COX10: variants seen among roughly 807,000 people sequenced by gnomAD.
COX10 encodes protoheme IX farnesyltransferase, mitochondrial.
Under a neutral mutation model 37.3 loss-of-function variants are expected in COX10, and 27 were observed. The ratio of observed to expected loss-of-function variants is 0.72; its 90% CI spans 0.53 to 1.00. The LOEUF is 1.00. COX10 is among the 50% of genes least tolerant of loss of function. The pLI, the probability that COX10 is intolerant of heterozygous loss-of-function variation, is 0.00. For synonymous variants in COX10, 222 were observed against 229.1 expected, an observed-to-expected ratio of 0.97 and a Z score of 0.28; for missense variants, 475 against 563.2, an observed-to-expected ratio of 0.84 and a Z score of 1.59.
chr17:14,173,500 C>T (rs1227194367), intron 5 of COX10, among the ~76,000 whole-genome samples: 2 of 152,090 alleles, frequency 1.3e-5, no homozygotes, highest in Non-Finnish European at 2.9e-5. Flanking sequence ...ACATGGTGAG[C>T]AAAGATGCAA....
rs751306559 is a variant in COX10 at position 14,069,599 on chromosome 17, G to C, written c.-7G>C. Reference sequence around the variant, plus strand: ...GATCCCGGGGAGCGGCCCCAGACTCGTAAATTATGGCCGCATCTCCGCACA... The same window carrying C: ...GATCCCGGGGAGCGGCCCCAGACTCCTAAATTATGGCCGCATCTCCGCACA... On this transcript the variant is annotated 5_prime_UTR_variant, in exon 1 of 7. Transcript: ENST00000261643. The C allele has an allele frequency of 1.9e-6, 3 of 1,613,912 alleles. No homozygotes were observed. In the African/African-American group the frequency reaches 4.0e-5, roughly 22 times the overall value.
At chr17:14,113,283 C>T (rs1465268940) in intron 4 of COX10, among the ~76,000 whole-genome samples, 1 of 152,052 alleles carries the variant, frequency 6.6e-6, no homozygotes. Flanking sequence ...TTCAACCTCC[C>T]TTCTGTCCTC....
intron 5 of COX10, among the ~76,000 whole-genome samples, chr17:14,186,178 G>C (rs1906019898): frequency 1.3e-5 from 2 of 152,084 alleles, no homozygotes; most frequent in South Asian, 4.1e-4. Flanking sequence ...ATGGCAGGCA[G>C]AGTAGTCCTT....
intron 5 of COX10, among the ~76,000 whole-genome samples, chr17:14,165,501 G>A (rs1905262472): frequency 6.6e-6 from 1 of 152,192 alleles, no homozygotes; most frequent in African/African-American, 2.4e-5. Flanking sequence ...GGTTGTGTGT[G>A]TTTTGACTGC....
At chr17:14,118,243 C>T (rs1916156432) in intron 4 of COX10, among the ~76,000 whole-genome samples, 1 of 152,072 alleles carries the variant, frequency 6.6e-6, no homozygotes, top group African/African-American at 2.4e-5. Context: ...TCCATGGACA[C>T]AGGCCTGAGG....
intron 6 of COX10, 111 bp downstream of exon 6, chr17:14,192,332 T>C: frequency 6.2e-7 from 1 of 1,613,768 alleles, no homozygotes. Flanking sequence ...ATTAATTCTT[T>C]TAGCAAATGT....
rs145582518 is a variant in COX10 at position 14,123,359 on chromosome 17, G to A, written c.624+21117G>A. On this transcript the variant is annotated intron_variant, in intron 4 of 6. Transcript: ENST00000261643. ...TCATAGTGAATCTGAAGTCCAAAAT[G>A]CTAAATCTCTTCTCAGCAGCATTAA... is the stretch of plus-strand genomic sequence containing the variant. Among the ~76,000 whole-genome samples the A allele has an allele frequency of 2.1e-4, 32 of 152,236 alleles. No homozygotes were observed. The East Asian group carries it at 5.4e-3, about 26-fold the overall frequency.
chr17:14,207,041 C>T lies in COX10; in HGVS notation c.1160C>T (p.Pro387Leu). ...TTWTFPIMAL[P>L]INAYISYLGF... ...TGGACCTTCCCCATCATGGCCCTTC[C>T]CATCAATGCGTACATCTCCTACCTC... Residue 387 changes from proline to leucine, a missense_variant, in exon 7 of 7, where the codon CCC becomes CTC. This residue lies in a region of COX10 where 160 missense variants were observed against 180.6 expected (regional missense o/e 0.89). Coordinates refer to ENST00000261643, the MANE Select transcript of COX10 (RefSeq NM_001303.4). 1 of 1,614,096 alleles carries T rather than the reference C, an allele frequency of 6.2e-7. No homozygotes were observed.
At chr17:14,150,377 G>C (rs1221700873) in intron 4 of COX10, among the ~76,000 whole-genome samples, 1 of 152,166 alleles carries the variant, frequency 6.6e-6, no homozygotes, top group Admixed American at 6.5e-5. Context: ...ATTTAACCTA[G>C]TCAGAAAATA....
At chr17:14,161,063 G>C (rs1170516345) in intron 5 of COX10, among the ~76,000 whole-genome samples, 2 of 152,236 alleles carry the variant, frequency 1.3e-5, no homozygotes, top group East Asian at 3.9e-4. Flanking sequence ...TTAGAACCAG[G>C]GAATTGTAGG....
intron 4 of COX10, among the ~76,000 whole-genome samples, chr17:14,112,855 A>T (rs1167891845): frequency 6.6e-6 from 1 of 152,182 alleles, no homozygotes; most frequent in Non-Finnish European, 1.5e-5. Context: ...TAGCAGAAGC[A>T]CAAGTTTGGG....
intron 4 of COX10, among the ~76,000 whole-genome samples, chr17:14,151,218 A>G (rs1904882923): frequency 6.6e-6 from 1 of 152,206 alleles, no homozygotes; most frequent in African/African-American, 2.4e-5. Flanking sequence ...AACTGAAAGC[A>G]TTATAGTAAA....
intron 5 of COX10, among the ~76,000 whole-genome samples, chr17:14,169,416 C>T (rs1406166208): frequency 1.3e-5 from 2 of 152,156 alleles, no homozygotes; most frequent in East Asian, 3.9e-4. Context: ...TTTTCCAAGC[C>T]CTGCCCATTA....
chr17:14,136,608 CT>C (rs1397066277), intron 4 of COX10, among the ~76,000 whole-genome samples: 1 of 151,838 alleles, frequency 6.6e-6, no homozygotes, highest in African/African-American at 2.4e-5. Flanking sequence ...CATTTCAAAA[CT>C]TTTAGTGAAT....
intron 4 of COX10, among the ~76,000 whole-genome samples, chr17:14,117,080 C>T (rs1329103799): frequency 1.3e-5 from 2 of 152,042 alleles, no homozygotes; most frequent in African/African-American, 4.8e-5. Flanking sequence ...TTTGTATTTC[C>T]CTTTTTGTTA....
chr17:14,151,025 A>T (rs1040636243), intron 4 of COX10, among the ~76,000 whole-genome samples: 4 of 151,970 alleles, frequency 2.6e-5, no homozygotes, highest in Non-Finnish European at 5.9e-5. Flanking sequence ...GAACCAACTG[A>T]AAATGATAAC....
At chr17:14,126,542 T>G (rs1916345860) in intron 4 of COX10, among the ~76,000 whole-genome samples, 1 of 152,204 alleles carries the variant, frequency 6.6e-6, no homozygotes, top group Non-Finnish European at 1.5e-5. Context: ...TTTAGTATGG[T>G]ATTCTGTAGT....
At chr17:14,133,794 T>C (rs1022620617) in intron 4 of COX10, among the ~76,000 whole-genome samples, 8 of 151,700 alleles carry the variant, frequency 5.3e-5, no homozygotes, top group African/African-American at 1.9e-4. Flanking sequence ...GATAAGAAAT[T>C]TTCTTTAAAA....
intron 2 of COX10, among the ~76,000 whole-genome samples, chr17:14,074,756 A>T (rs191294292): frequency 6.6e-6 from 1 of 152,346 alleles, no homozygotes; most frequent in Non-Finnish European, 1.5e-5. Context: ...CTGTTGTGAT[A>T]CATCTTTTAA....
Sources: gnomAD v4.1 joint callset for allele counts (sites outside exome capture counted in the v4.1 genomes callset) on GRCh38, gnomAD v4.1.1 for gene constraint, gnomAD v4.1.1 regional missense constraint, MANE v1.5 for transcripts, NCBI Gene and HGNC (gene_info 2026-07-23, HGNC 2026-07-21) for gene names.